Variants in WDFY4 observed in about 807,000 individuals in gnomAD.
WDFY4 encodes the protein WD repeat- and FYVE domain-containing protein 4.
In WDFY4, 169 loss-of-function variants were observed where a neutral mutation model predicts 351.9. The observed-to-expected ratio is 0.48, with a 90% CI of 0.42 to 0.55. The LOEUF (loss-of-function observed/expected upper bound fraction) is 0.55. Among genes scored for constraint, WDFY4 ranks in the 20% least tolerant of loss-of-function variants. WDFY4 has a pLI of 0.00. For synonymous variants in WDFY4, 1,622 were observed against 1,574.6 expected, an observed-to-expected ratio of 1.03 and a Z score of -0.71; for missense variants, 3,803 against 3,935.6, an observed-to-expected ratio of 0.97 and a Z score of 0.90.
In WDFY4 at chr10:48,731,358, C is replaced by A; in HGVS notation, c.1378C>A (p.His460Asn). Residue 460 changes from histidine to asparagine, a missense_variant, in exon 9 of 62, where the codon CAC becomes AAC. Around this residue, in one of 3 missense-constraint regions of WDFY4, gnomAD observed 261 missense variants for 330.2 expected, o/e 0.79. Transcript: ENST00000325239. ...QLLEALVFEL[H>N]YVPHEILRKV... ...TCTAGAGGCCCTGGTGTTCGAGCTG[C>A]ACTACGTGCCTCATGAGATCCTGCG... 2 of 1,551,800 alleles carry A rather than the reference C, an allele frequency of 1.3e-6. No individual in the cohort carries two copies. Among genetic ancestry groups the A allele is most frequent in the Non-Finnish European group, 1.7e-6 (2 of 1,147,016 alleles).
chr10:48,839,656 A>G (rs1302747288), intron 39 of WDFY4, among the ~76,000 whole-genome samples: 1 of 152,208 alleles, frequency 6.6e-6, no homozygotes, highest in East Asian at 1.9e-4. Context: ...AACCACAGAA[A>G]AGACAAGGGA....
At chr10:48,797,807 A>G (rs1589635091) in intron 24 of WDFY4, among the ~76,000 whole-genome samples, 1 of 152,226 alleles carries the variant, frequency 6.6e-6, no homozygotes, top group African/African-American at 2.4e-5. Context: ...AATGAGAATA[A>G]AGGCATTATG....
intron 1 of WDFY4, among the ~76,000 whole-genome samples, chr10:48,704,659 G>A (rs1479896130): frequency 1.3e-5 from 2 of 152,180 alleles, no homozygotes; most frequent in African/African-American, 4.8e-5. Flanking sequence ...CACAGTGTGA[G>A]CCCAGCTGCC....
At chr10:48,771,204 C>T (rs2132590674) in intron 13 of WDFY4, among the ~76,000 whole-genome samples, 1 of 152,358 alleles carries the variant, frequency 6.6e-6, no homozygotes, top group South Asian at 2.1e-4. Context: ...TTTCTTCATA[C>T]ATTTTAATCC....
intron 12 of WDFY4, among the ~76,000 whole-genome samples, chr10:48,749,363 C>T (rs10857633): frequency 0.3 from 45,307 of 151,880 alleles, 7,346 homozygotes; most frequent in South Asian, 0.41. Context: ...AAAACACACA[C>T]ACACCACACT....
intron 47 of WDFY4, among the ~76,000 whole-genome samples, chr10:48,915,102 A>C (rs1838391404): frequency 6.6e-6 from 1 of 152,162 alleles, no homozygotes; most frequent in African/African-American, 2.4e-5. Context: ...TTAAATTCCC[A>C]GTGCTTGTGT....
At chr10:48,696,793 T>G (rs1445397825) in intron 1 of WDFY4, among the ~76,000 whole-genome samples, 1 of 152,252 alleles carries the variant, frequency 6.6e-6, no homozygotes, top group Non-Finnish European at 1.5e-5. Flanking sequence ...GAAGAGGCCA[T>G]GCAGTGCGCA....
intron 6 of WDFY4, 124 bp from the exon 7 acceptor site, chr10:48,727,346 T>C: frequency 1.0e-6 from 1 of 1,004,854 alleles, no homozygotes; most frequent in Non-Finnish European, 1.4e-6. Context: ...CAGCAGAACA[T>C]GTTTTGGATT....
intron 58 of WDFY4, among the ~76,000 whole-genome samples, chr10:48,975,340 G>C (rs1225482233): frequency 6.6e-6 from 1 of 152,176 alleles, no homozygotes; most frequent in African/African-American, 2.4e-5. Context: ...GTTGGATGTG[G>C]CTGACTCATT....
chr10:48,910,404 T>A, intron 47 of WDFY4: 2 of 733,598 alleles, frequency 2.7e-6, no homozygotes, highest in South Asian at 3.1e-5. Context: ...TTGTTGTATT[T>A]GAGGAAAGAG....
At chr10:48,960,450 G>T (rs1454843415) in intron 53 of WDFY4, among the ~76,000 whole-genome samples, 1 of 152,212 alleles carries the variant, frequency 6.6e-6, no homozygotes, top group Non-Finnish European at 1.5e-5. Context: ...CAACTGGAAT[G>T]CATGAGACAT....
intron 24 of WDFY4, among the ~76,000 whole-genome samples, chr10:48,799,931 A>T (rs756640735): frequency 4.6e-5 from 7 of 151,984 alleles, no homozygotes; most frequent in Non-Finnish European, 8.8e-5. Context: ...CTGTTGCCAG[A>T]CCGGAGTGCA....
In WDFY4 at chr10:48,743,142, C is replaced by A; in HGVS notation, c.2053C>A (p.Leu685Ile). ...RQTLELVLYT[L>I]CAVSAALHWD... ...GACCCTGGAGCTGGTTTTGTACACT[C>A]TCTGTGCTGTGTCCGCAGCGCTGCA... Residue 685 changes from leucine to isoleucine, a missense_variant, in exon 12 of 62, where the codon CTC becomes ATC. Leu to Ile is a conservative substitution (Grantham distance 5, BLOSUM62 2). Around this residue, in one of 3 missense-constraint regions of WDFY4, gnomAD observed 3,054 missense variants for 3,148.6 expected, o/e 0.97. Coordinates refer to ENST00000325239, the MANE Select transcript of WDFY4 (RefSeq NM_001394531.1). 1 of 1,551,702 alleles carries A rather than the reference C, an allele frequency of 6.4e-7. No homozygotes were observed. The highest frequency in any genetic ancestry group is 8.7e-7 in the Non-Finnish European group (1 of 1,146,996).
At chr10:48,729,252 A>G (rs1363148376) in intron 7 of WDFY4, among the ~76,000 whole-genome samples, 180 bp from the exon 8 acceptor site, 1 of 152,248 alleles carries the variant, frequency 6.6e-6, no homozygotes, top group Non-Finnish European at 1.5e-5. Flanking sequence ...TAAGACTGAC[A>G]TCTGCAGAGT....
At chr10:48,958,724 T>G (rs933329016) in intron 52 of WDFY4, among the ~76,000 whole-genome samples, 2 of 152,178 alleles carry the variant, frequency 1.3e-5, no homozygotes, top group Non-Finnish European at 2.9e-5. Context: ...TTCTATACTG[T>G]AAGTGAAACA....
chr10:48,827,434 G>A (rs770902554), intron 36 of WDFY4, among the ~76,000 whole-genome samples: 9 of 149,654 alleles, frequency 6.0e-5, no homozygotes, highest in Non-Finnish European at 8.9e-5. Context: ...GAAGCCCCAA[G>A]TTTGGAAATA....
In WDFY4 at chr10:48,969,057, G is replaced by T; in HGVS notation, c.8585-7G>T. 2 of 1,550,796 alleles carry T rather than the reference G, an allele frequency of 1.3e-6. No individual in the cohort carries two copies. Among genetic ancestry groups the T allele is most frequent in the Non-Finnish European group, 1.7e-6 (2 of 1,146,364 alleles). On this transcript the variant is annotated splice_region_variant and splice_polypyrimidine_tract_variant and intron_variant, in intron 55 of 61. Transcript: ENST00000325239. ...TGCATAAGTTCGCCATACTAACTGG[G>T]GTGTAGATATGTACCTCTTTTCTCT... is the stretch of plus-strand genomic sequence containing the variant.
At chr10:48,931,533 G>A (rs1274352693) in intron 47 of WDFY4, among the ~76,000 whole-genome samples, 1 of 152,208 alleles carries the variant, frequency 6.6e-6, no homozygotes, top group East Asian at 1.9e-4. Flanking sequence ...GGGAGGATAT[G>A]TCAAGCAAAA....
intron 47 of WDFY4, among the ~76,000 whole-genome samples, chr10:48,920,383 G>A (rs1231100730): frequency 1.3e-5 from 2 of 151,902 alleles, no homozygotes; most frequent in Admixed American, 6.6e-5. Context: ...GGGGGAAGGG[G>A]GAGGGATAGC....
Sources: gnomAD v4.1 joint callset for allele counts (sites outside exome capture counted in the v4.1 genomes callset) on GRCh38, gnomAD v4.1.1 for gene constraint, gnomAD v4.1.1 regional missense constraint, MANE v1.5 for transcripts, NCBI Gene and HGNC (gene_info 2026-07-23, HGNC 2026-07-21) for gene names.